CDH13: variants seen among roughly 807,000 people sequenced by gnomAD.
CDH13 encodes the protein cadherin-13.
In CDH13, 24 loss-of-function variants were observed where a neutral mutation model predicts 63.8. That is an observed-to-expected ratio of 0.38 (90% CI 0.27 to 0.53). The LOEUF is 0.53. Among genes scored for constraint, CDH13 ranks in the 20% least tolerant of loss-of-function variants. CDH13 has a pLI of 0.85. For missense variants in CDH13, 1,049 were observed against 903.1 expected, an observed-to-expected ratio of 1.16 and a Z score of -2.07; for synonymous variants, 503 against 355.3, an observed-to-expected ratio of 1.42 and a Z score of -4.67.
chr16:83,519,497 G>T (rs2074779104), intron 7 of CDH13, among the ~76,000 whole-genome samples: 1 of 152,180 alleles, frequency 6.6e-6, no homozygotes, highest in Non-Finnish European at 1.5e-5. Context: ...GAGGGTATTT[G>T]AGCAAACTAA....
chr16:83,189,851 G>A (rs2038642476), intron 4 of CDH13, among the ~76,000 whole-genome samples: 1 of 152,170 alleles, frequency 6.6e-6, no homozygotes, highest in Non-Finnish European at 1.5e-5. Context: ...GGAGGTAATT[G>A]AATCATGGGG....
At chr16:82,844,319 C>G (rs1223409433) in intron 1 of CDH13, 1 of 152,174 alleles carries the variant, frequency 6.6e-6, no homozygotes, top group African/African-American at 2.4e-5. Context: ...GAGTTCAGCC[C>G]TGTGGCTTCA....
chr16:83,732,884 AC>A (rs1416205405), intron 10 of CDH13, among the ~76,000 whole-genome samples: 1 of 152,072 alleles, frequency 6.6e-6, no homozygotes, highest in East Asian at 1.9e-4. Flanking sequence ...TGACACATTG[AC>A]TTTTCTGCCC....
intron 5 of CDH13, among the ~76,000 whole-genome samples, chr16:83,287,592 A>G (rs953585537): frequency 2.0e-5 from 3 of 152,246 alleles, no homozygotes; most frequent in African/African-American, 7.2e-5. Context: ...ACTGTCTCCC[A>G]TCACCCCCGG....
intron 7 of CDH13, among the ~76,000 whole-genome samples, chr16:83,489,683 C>A (rs529139124): frequency 2.6e-5 from 4 of 152,048 alleles, no homozygotes; most frequent in African/African-American, 9.7e-5. Context: ...CACATGGATG[C>A]GATACTTTCT....
chr16:83,310,610 T>A (rs991342692), intron 5 of CDH13, among the ~76,000 whole-genome samples: 1 of 152,244 alleles, frequency 6.6e-6, no homozygotes, highest in Non-Finnish European at 1.5e-5. Flanking sequence ...GCTCCCACCT[T>A]TCTGCCTTTG....
At chr16:83,041,636 G>C (rs1223984236) in intron 3 of CDH13, among the ~76,000 whole-genome samples, 1 of 152,056 alleles carries the variant, frequency 6.6e-6, no homozygotes, top group African/African-American at 2.4e-5. Flanking sequence ...ATTGCCCCCT[G>C]TTTCTACACA....
chr16:83,058,967 CA>C (rs1471166629), intron 3 of CDH13, among the ~76,000 whole-genome samples: 17 of 152,090 alleles, frequency 1.1e-4, no homozygotes, highest in Admixed American at 1.1e-3. Context: ...CATTCTCATT[CA>C]AAGATGGATG....
At chr16:83,231,320 G>A (rs147558741) in intron 5 of CDH13, among the ~76,000 whole-genome samples, 1 of 152,176 alleles carries the variant, frequency 6.6e-6, no homozygotes, top group South Asian at 2.1e-4. Flanking sequence ...GCATCTGTGC[G>A]TTGGCAAATC....
chr16:83,791,295 G>A (rs139734934), intron 13 of CDH13, among the ~76,000 whole-genome samples: 6 of 152,202 alleles, frequency 3.9e-5, no homozygotes, highest in East Asian at 3.9e-4. Flanking sequence ...TCAGGATTTC[G>A]AGACTAGCCT....
chr16:83,314,485 G>A (rs1304276701), intron 5 of CDH13, among the ~76,000 whole-genome samples: 1 of 152,086 alleles, frequency 6.6e-6, no homozygotes, highest in East Asian at 1.9e-4. Flanking sequence ...GAGGAGCCCA[G>A]CTCATTCATT....
At chr16:83,767,220 G>T (rs1009613711) in intron 11 of CDH13, among the ~76,000 whole-genome samples, 11 of 151,638 alleles carry the variant, frequency 7.3e-5, no homozygotes, top group African/African-American at 2.2e-4. Context: ...GTGGATAGCA[G>T]CTGATGAGGT....
At chr16:83,716,406 C>A (rs1300664061) in intron 10 of CDH13, among the ~76,000 whole-genome samples, 1 of 152,168 alleles carries the variant, frequency 6.6e-6, no homozygotes, top group Non-Finnish European at 1.5e-5. Context: ...TCTAAATATC[C>A]CGTGTGCTCC....
intron 2 of CDH13, among the ~76,000 whole-genome samples, chr16:83,020,031 G>T (rs183278724): frequency 1.5e-3 from 227 of 152,158 alleles, no homozygotes; most frequent in Non-Finnish European, 2.6e-3. Context: ...GCACTCTGAC[G>T]TTATGACAGC....
intron 7 of CDH13, among the ~76,000 whole-genome samples, chr16:83,599,143 G>A (rs535960825): frequency 1.3e-5 from 2 of 152,342 alleles, no homozygotes; most frequent in Non-Finnish European, 2.9e-5. Flanking sequence ...GAGGGAGTGG[G>A]TATCAGGACA....
chr16:83,470,145 G>C (rs190487219), intron 6 of CDH13, among the ~76,000 whole-genome samples: 1 of 152,204 alleles, frequency 6.6e-6, no homozygotes, highest in Admixed American at 6.5e-5. Flanking sequence ...GCACACTCTC[G>C]CTTTGACATT....
chr16:83,441,903 G>A lies in CDH13; in HGVS notation c.782-44574G>A, dbSNP rs548315737. On this transcript the variant is annotated intron_variant, in intron 6 of 13. Coordinates refer to ENST00000567109, the MANE Select transcript of CDH13 (RefSeq NM_001257.5). Reference sequence around the variant, plus strand: ...GTTCAGGATATTTTTAAATATAGAAGTTCATTGATACAACATCCCTATGAG... The same window carrying A: ...GTTCAGGATATTTTTAAATATAGAAATTCATTGATACAACATCCCTATGAG... Among the ~76,000 whole-genome samples the A allele has an allele frequency of 2.0e-5, 3 of 152,294 alleles. No homozygotes were observed. The South Asian group carries it at 6.2e-4, about 32-fold the overall frequency.
intron 7 of CDH13, among the ~76,000 whole-genome samples, chr16:83,550,315 G>C (rs138520189): frequency 2.0e-5 from 3 of 152,310 alleles, no homozygotes; most frequent in African/African-American, 2.4e-5. Context: ...TTTCAACCAG[G>C]GGGCGCTGAC....
chr16:83,600,433 G>C (rs1907678357), intron 7 of CDH13, among the ~76,000 whole-genome samples: 1 of 152,174 alleles, frequency 6.6e-6, no homozygotes, highest in African/African-American at 2.4e-5. Flanking sequence ...AGAAGTTAAA[G>C]GAACAGCAAT....
Sources: allele counts gnomAD v4.1 joint callset (sites outside exome capture counted in the v4.1 genomes callset), GRCh38; gene constraint gnomAD v4.1.1; transcripts MANE v1.5; gene names NCBI Gene and HGNC (gene_info 2026-07-23, HGNC 2026-07-21).